MGA: variants seen among roughly 807,000 people sequenced by gnomAD.
MGA encodes the protein MAX dimerization protein MGA.
In MGA, 40 loss-of-function variants were observed where a neutral mutation model predicts 261.1. The observed-to-expected ratio is 0.15, with a 90% CI of 0.12 to 0.20. MGA has a LOEUF of 0.20. MGA is among the 10% of genes least tolerant of loss of function. The pLI, the probability that MGA is intolerant of heterozygous loss-of-function variation, is 1.00. For missense variants in MGA, 3,397 were observed against 3,630.5 expected (o/e 0.94, Z 1.65); for synonymous variants, 1,302 against 1,290.6 (o/e 1.01, Z -0.19).
At chr15:41,708,933 A>G (rs1424725798) in intron 7 of MGA, among the ~76,000 whole-genome samples, 1 of 152,206 alleles carries the variant, frequency 6.6e-6, no homozygotes, top group Non-Finnish European at 1.5e-5. Flanking sequence ...ATTCGTTTGC[A>G]ATTTAACCAG....
Position 41,699,085 on chromosome 15 carries a change from A to T in MGA, c.2114A>T (p.Gln705Leu), listed in dbSNP as rs1363096695. Residue 705 changes from glutamine (Q) to leucine (L), a missense_variant, in exon 5 of 24, where the codon CAG (glutamine) becomes CTG (leucine). Coordinates refer to ENST00000219905, the MANE Select transcript of MGA (RefSeq NM_001164273.2). ...GTAGGTTACAGAGCAAGAATTTCCC[A>T]GTTGGAAAAGGAATTGATAGAAGAT... 1.2e-6 allele frequency: 2 copies of T among 1,611,910 alleles called. No individual in the cohort carries two copies. The highest frequency in any genetic ancestry group is 2.2e-5 in the South Asian group (2 of 90,484).
At chr15:41,710,233 G>A (rs369330269) in intron 7 of MGA, among the ~76,000 whole-genome samples, 14 of 152,230 alleles carry the variant, frequency 9.2e-5, no homozygotes, top group African/African-American at 3.1e-4. Context: ...GTAAGAATTA[G>A]TGCCTCAATA....
chr15:41,657,112 T>C (rs913974466), upstream of MGA, among the ~76,000 whole-genome samples: 5 of 152,052 alleles, frequency 3.3e-5, no homozygotes, highest in Non-Finnish European at 7.4e-5. Flanking sequence ...TTTGGGTACA[T>C]TATTAGCTCC....
At chr15:41,715,911 C>T (rs887779761) in intron 9 of MGA, among the ~76,000 whole-genome samples, 2 of 152,074 alleles carry the variant, frequency 1.3e-5, no homozygotes, top group Non-Finnish European at 2.9e-5. Context: ...ATTTCCATTT[C>T]AAAGCAACAA....
At chr15:41,644,498 A>G (rs1198411748) in intron 1 of MGA, among the ~76,000 whole-genome samples, 1 of 152,080 alleles carries the variant, frequency 6.6e-6, no homozygotes, top group Non-Finnish European at 1.5e-5. Flanking sequence ...TCTACTAAAA[A>G]TACTAAAAAT....
At chr15:41,748,555 T>C (rs2062643713) in intron 15 of MGA, 82 bp from the exon 16 acceptor site, 1 of 1,445,032 alleles carries the variant, frequency 6.9e-7, no homozygotes, top group African/African-American at 1.4e-5. Context: ...GACTGTGTCT[T>C]AAAAAATATT....
Position 41,734,554 on chromosome 15 carries a change from A to G in MGA, c.3876A>G (p.Gln1292=). Reference sequence around the variant, plus strand: ...ATTCTGAACAGCAGCCCTTAAAACAACTCACCTGTGACTTGGAGGATGATT... The same window carrying G: ...ATTCTGAACAGCAGCCCTTAAAACAGCTCACCTGTGACTTGGAGGATGATT... Residue 1292 remains glutamine (Q), a synonymous_variant, in exon 12 of 24, where the codon CAA becomes CAG. Coordinates refer to ENST00000219905, the MANE Select transcript of MGA (RefSeq NM_001164273.2). The G allele has an allele frequency of 1.2e-6, 2 of 1,609,374 alleles. No individual in the cohort carries two copies. Among genetic ancestry groups the G allele is most frequent in the Non-Finnish European group, 1.7e-6 (2 of 1,177,618 alleles).
In MGA at chr15:41,694,163, A is replaced by G. The variant is rs142164096; in HGVS notation, c.1065-1912A>G. 4.6e-3 allele frequency among the ~76,000 whole-genome samples: 694 copies of G among 152,178 alleles called. 4 individuals carry two copies. The highest frequency in any genetic ancestry group is 0.016 in the African/African-American group (669 of 41,528). Reference sequence around the variant, plus strand: ...CCGGGCGTGGTGGCTCACACCTGTAATCCCAACACTTTGGGAGGCTGAGGT... The same window carrying G: ...CCGGGCGTGGTGGCTCACACCTGTAGTCCCAACACTTTGGGAGGCTGAGGT... On this transcript the variant is annotated intron_variant, in intron 2 of 23. Transcript: ENST00000219905.
chr15:41,718,426 G>T, intron 9 of MGA: 1 of 1,275,442 alleles, frequency 7.8e-7, no homozygotes. Context: ...ACAGATCGCA[G>T]GTAGCCCTGG....
At chr15:41,639,192 C>T (rs2056772574) in intron 1 of MGA, among the ~76,000 whole-genome samples, 1 of 152,176 alleles carries the variant, frequency 6.6e-6, no homozygotes, top group Non-Finnish European at 1.5e-5. Flanking sequence ...CTTCTGACTT[C>T]ACCCTTTTCT....
rs569385900 is a variant in MGA, at chr15:41,697,954, C to T, written c.2014-909C>T. Reference sequence around the variant, plus strand: ...CGCAATCTTGGCTCACTGCAAACTCCGCCTCCTGTGTTCTTGCCATTCCCC... The same window carrying T: ...CGCAATCTTGGCTCACTGCAAACTCTGCCTCCTGTGTTCTTGCCATTCCCC... On this transcript the variant is annotated intron_variant, in intron 3 of 23. Coordinates refer to ENST00000219905, the MANE Select transcript of MGA (RefSeq NM_001164273.2). Among the ~76,000 whole-genome samples the T allele has an allele frequency of 2.4e-4, 36 of 151,656 alleles. No individual in the cohort carries two copies. In the South Asian group the frequency reaches 6.3e-3, roughly 26 times the overall value.
intron 2 of MGA, among the ~76,000 whole-genome samples, chr15:41,672,330 T>G (rs1230287494): frequency 6.6e-6 from 1 of 152,170 alleles, no homozygotes; most frequent in Admixed American, 6.5e-5. Flanking sequence ...ATTTTTTGTA[T>G]TTTTAGTAGA....
At position 41,727,389 on chromosome 15, in the gene MGA, C is replaced by A; in HGVS notation, c.3640C>A (p.Pro1214Thr). 6.2e-7 allele frequency: 1 copy of A among 1,613,412 alleles called. No homozygotes were observed. The highest frequency in any genetic ancestry group is 8.5e-7 in the Non-Finnish European group (1 of 1,179,622). ...AATTAAATCTCCACGGTCATATACT[C>A]CCAAACCCAATCCTGTGGTAAGTCT... is the stretch of plus-strand genomic sequence containing the variant. The change falls in exon 10 of 24, where the codon CCC becomes ACC. Residue 1214 changes from proline (P) to threonine (T), a missense_variant. This residue lies in a region of MGA where 519 missense variants were observed against 554.1 expected (regional missense o/e 0.94). Transcript: ENST00000219905.
chr15:41,625,377 A>G (rs754977716), intron 1 of MGA, among the ~76,000 whole-genome samples: 1 of 152,064 alleles, frequency 6.6e-6, no homozygotes, highest in Non-Finnish European at 1.5e-5. Flanking sequence ...AAAGCCTGGC[A>G]AATTGTGAGA....
At chr15:41,738,027 G>C (rs1394495180) in intron 13 of MGA, among the ~76,000 whole-genome samples, 1 of 151,958 alleles carries the variant, frequency 6.6e-6, no homozygotes, top group Non-Finnish European at 1.5e-5. Context: ...GTGTGGAAGT[G>C]TCTGATATTA....
intron 17 of MGA, among the ~76,000 whole-genome samples, chr15:41,752,766 C>G (rs1276361571): frequency 6.6e-6 from 1 of 152,006 alleles, no homozygotes; most frequent in Non-Finnish European, 1.5e-5. Flanking sequence ...CCATATTGGC[C>G]AGGCTGGTCT....
At chr15:41,733,975 G>T (rs761773007) in intron 11 of MGA, among the ~76,000 whole-genome samples, 5 of 147,564 alleles carry the variant, frequency 3.4e-5, no homozygotes, top group Admixed American at 6.9e-5. Context: ...AAGTGCAGTG[G>T]CATGGTCTCG....
chr15:41,684,005 G>T (rs1182793528), intron 2 of MGA, among the ~76,000 whole-genome samples: 1 of 152,064 alleles, frequency 6.6e-6, no homozygotes. Flanking sequence ...CTAAGCACCA[G>T]TTTTACGGAA....
chr15:41,718,141 A>G lies in MGA; in HGVS notation c.3430+4645A>G, dbSNP rs140790438. On this transcript the variant is annotated intron_variant, in intron 9 of 23. Coordinates refer to ENST00000219905, the MANE Select transcript of MGA (RefSeq NM_001164273.2). ...TGATTTAGATATGAATATTTATGTA[A>G]TTTGCCATATAACAGATTAAATGAG... is the stretch of plus-strand genomic sequence containing the variant. Among the ~76,000 whole-genome samples the G allele has an allele frequency of 9.1e-4, 138 of 151,662 alleles. No individual in the cohort carries two copies. In the East Asian group the frequency reaches 0.026, roughly 29 times the overall value.
Sources: allele counts gnomAD v4.1 joint callset (sites outside exome capture counted in the v4.1 genomes callset), GRCh38; gene constraint gnomAD v4.1.1; regional missense constraint gnomAD v4.1.1; transcripts MANE v1.5; gene names NCBI Gene and HGNC (gene_info 2026-07-23, HGNC 2026-07-21).